The following POLR2B variants were observed in gnomAD, a reference collection of about 807,000 sequenced individuals.
POLR2B encodes RNA polymerase II subunit B, also known as DNA-directed RNA polymerase II subunit RPB2.
In POLR2B, 57 loss-of-function variants were observed where a neutral mutation model predicts 144.6. The observed-to-expected ratio is 0.39, with a 90% CI of 0.32 to 0.49. The LOEUF is 0.49. Among genes scored for constraint, POLR2B ranks in the 20% least tolerant of loss-of-function variants. The probability of loss-of-function intolerance (pLI) is 0.83; values close to 1 mark genes in which losing one functional copy is unlikely to be tolerated. For synonymous variants in POLR2B, 442 were observed against 469.8 expected (o/e 0.94, Z 0.77); for missense variants, 595 against 1,467.4 (o/e 0.41, Z 9.71).
intron 7 of POLR2B, among the ~76,000 whole-genome samples, chr4:57,003,986 C>G (rs1457422365): frequency 1.3e-5 from 2 of 149,766 alleles, no homozygotes; most frequent in Non-Finnish European, 3.0e-5. Context: ...TAACTGTCTC[C>G]TTTGTAAAAT....
chr4:56,989,689 A>G (rs1029253771), intron 2 of POLR2B, among the ~76,000 whole-genome samples: 1 of 152,206 alleles, frequency 6.6e-6, no homozygotes, highest in African/African-American at 2.4e-5. Flanking sequence ...GTCACAAGAT[A>G]TAGGAGTGGA....
At chr4:57,025,673 C>T (rs977107096) in intron 23 of POLR2B, 136 bp downstream of exon 23, 1 of 596,342 alleles carries the variant, frequency 1.7e-6, no homozygotes. Flanking sequence ...CGACTGATGG[C>T]CAGTCTTGTT....
intron 7 of POLR2B, among the ~76,000 whole-genome samples, chr4:57,004,049 T>C (rs1722935401): frequency 9.2e-6 from 1 of 108,908 alleles, no homozygotes; most frequent in Non-Finnish European, 1.7e-5. Flanking sequence ...TTTTTTGAGA[T>C]GAAGTCTCAC....
At chr4:57,000,443 T>C (rs1487851007) in intron 7 of POLR2B, among the ~76,000 whole-genome samples, 1 of 152,114 alleles carries the variant, frequency 6.6e-6, no homozygotes, top group Non-Finnish European at 1.5e-5. Context: ...ATAAGAAAAG[T>C]TGCAAGAATA....
intron 23 of POLR2B, among the ~76,000 whole-genome samples, chr4:57,027,681 A>G (rs960736306): frequency 3.3e-5 from 5 of 152,232 alleles, no homozygotes; most frequent in Non-Finnish European, 5.9e-5. Flanking sequence ...TTGATGTAGA[A>G]ACTGAAACCA....
rs777990803 is a variant in POLR2B, at chr4:56,995,246, A to C, written c.577-5A>C. On this transcript the variant is annotated splice_region_variant and splice_polypyrimidine_tract_variant and intron_variant, in intron 5 of 24. Coordinates refer to ENST00000314595, the MANE Select transcript of POLR2B (RefSeq NM_000938.3). ...ATGGCTGTAACTTTCTTATTGTCCAAATAGGTTCTGATTGCCCAAGAGAAA... is the reference window on the plus strand; with the variant it reads ...ATGGCTGTAACTTTCTTATTGTCCACATAGGTTCTGATTGCCCAAGAGAAA... The C allele has an allele frequency of 1.2e-6, 2 of 1,601,834 alleles. No homozygotes were observed. Among genetic ancestry groups the C allele is most frequent in the East Asian group, 4.5e-5 (2 of 44,606 alleles).
intron 13 of POLR2B, among the ~76,000 whole-genome samples, chr4:57,014,494 CT>C (rs1007998278): frequency 2.9e-5 from 4 of 137,960 alleles, no homozygotes; most frequent in Non-Finnish European, 3.1e-5. Flanking sequence ...CGTGCCTGGT[CT>C]TTTTTTTTCT....
intron 6 of POLR2B, among the ~76,000 whole-genome samples, chr4:56,995,657 A>G (rs1389499213): frequency 1.3e-5 from 2 of 152,336 alleles, no homozygotes; most frequent in Middle Eastern, 3.4e-3. Context: ...CAAGGCTGCA[A>G]TCAGATGTTT....
chr4:56,987,466 C>T (rs1318629941), intron 2 of POLR2B, among the ~76,000 whole-genome samples: 1 of 152,190 alleles, frequency 6.6e-6, no homozygotes, highest in African/African-American at 2.4e-5. Flanking sequence ...TGATGGATGC[C>T]TCTCTGAGCC....
chr4:57,026,950 T>A (rs1723741469), intron 23 of POLR2B, among the ~76,000 whole-genome samples: 1 of 152,298 alleles, frequency 6.6e-6, no homozygotes, highest in African/African-American at 2.4e-5. Flanking sequence ...TTATTTTTTA[T>A]ATTTAAGTAT....
chr4:57,001,903 G>A (rs1251618846), intron 7 of POLR2B, among the ~76,000 whole-genome samples: 1 of 152,128 alleles, frequency 6.6e-6, no homozygotes, highest in East Asian at 1.9e-4. Context: ...AGATTTTGCA[G>A]GCTAAATCTT....
At chr4:56,984,805 C>G (rs890330426) in intron 1 of POLR2B, among the ~76,000 whole-genome samples, 15 of 152,196 alleles carry the variant, frequency 9.9e-5, no homozygotes, top group African/African-American at 3.6e-4. Context: ...GCCAAAAATA[C>G]AGCACACTTA....
intron 17 of POLR2B, among the ~76,000 whole-genome samples, chr4:57,021,543 G>A (rs919808949): frequency 1.4e-5 from 2 of 142,202 alleles, no homozygotes; most frequent in African/African-American, 2.6e-5. Flanking sequence ...CTGGAATGCA[G>A]TGGTGCAATC....
intron 1 of POLR2B, 150 bp downstream of exon 1, chr4:56,979,154 T>C: frequency 1.2e-6 from 1 of 829,172 alleles, no homozygotes. Context: ...GGAACGAAAC[T>C]GGGGTAGGGA....
Position 57,030,935 on chromosome 4 carries a change from T to C in POLR2B, c.3472T>C (p.Leu1158=). The C allele has an allele frequency of 6.2e-7, 1 of 1,610,814 alleles. No homozygotes were observed. The highest frequency in any genetic ancestry group is 1.7e-4 in the Middle Eastern group (1 of 6,036). The change falls in exon 25 of 25, where the codon TTG becomes CTG. Residue 1158 remains leucine, a synonymous_variant. Transcript: ENST00000314595. ...GCGAATGCCTTACGCATGCAAACTA[T>C]TGTTTCAGGAACTTATGTCTATGAG... ...LVRMPYACKL[L]FQELMSMSIA...
rs1447162344 is a variant in POLR2B, at chr4:57,005,449, TAA to T, written c.1097+8_1097+9del. 14 of 1,555,674 alleles carry T rather than the reference TAA, an allele frequency of 9.0e-6. No homozygotes were observed. Among genetic ancestry groups the T allele is most frequent in the Admixed American group, 2.0e-5 (1 of 48,884 alleles). ...AAAAAGCCTATTTCTTGGGGTATGT[TAA>T]GTTTCATTGTTTTAAGTTCTTTATC... On this transcript the variant is annotated splice_region_variant and intron_variant, in intron 8 of 24. Coordinates refer to ENST00000314595, the MANE Select transcript of POLR2B (RefSeq NM_000938.3).
chr4:57,010,561 A>G, intron 11 of POLR2B, 57 bp downstream of exon 11: 4 of 1,524,118 alleles, frequency 2.6e-6, no homozygotes, highest in African/African-American at 1.4e-5. Flanking sequence ...TATGTAGGGC[A>G]TAATTACTTT....
At chr4:57,019,112 G>T (rs1560482938) in intron 16 of POLR2B, among the ~76,000 whole-genome samples, 1 of 152,204 alleles carries the variant, frequency 6.6e-6, no homozygotes, top group Non-Finnish European at 1.5e-5. Flanking sequence ...TCCACAAGGG[G>T]TTCCTCTTGT....
chr4:56,996,276 A>ATTTT lies in POLR2B; in HGVS notation c.735+868_735+869insTTTT, dbSNP rs1560474600. Among the ~76,000 whole-genome samples, 539 of 85,470 alleles carry ATTTT rather than the reference A, an allele frequency of 6.3e-3. 27 individuals carry two copies. In the East Asian group the frequency reaches 0.066, roughly 11 times the overall value. 56.1% of individuals were successfully genotyped at this position (85,470 alleles called of 152,430 possible). ...TGTGTGTGTGTGTATATATATATAT[A>ATTTT]TATTTTTTTTTTTTTTTTTTTTTGA... On this transcript the variant is annotated intron_variant, in intron 6 of 24. Transcript: ENST00000314595.
Sources: allele counts gnomAD v4.1 joint callset (sites outside exome capture counted in the v4.1 genomes callset), GRCh38; gene constraint gnomAD v4.1.1; transcripts MANE v1.5; gene names NCBI Gene and HGNC (gene_info 2026-07-23, HGNC 2026-07-21).